STAP1: variants seen among roughly 807,000 people sequenced by gnomAD.
STAP1 encodes signal transducing adaptor family member 1, also known as signal-transducing adaptor protein 1.
STAP1 carries 30 observed loss-of-function variants against 37.8 expected under a neutral mutation model. That is an observed-to-expected ratio of 0.79 (90% CI 0.59 to 1.08). The LOEUF (loss-of-function observed/expected upper bound fraction) is 1.08. Ranked by LOEUF, STAP1 falls within the 50% of genes least tolerant of loss-of-function variation. STAP1 has a pLI of 0.00. For missense variants in STAP1, 357 were observed against 349.4 expected, an observed-to-expected ratio of 1.02 and a Z score of -0.17; for synonymous variants, 130 against 116.0, an observed-to-expected ratio of 1.12 and a Z score of -0.78.
intron 1 of STAP1, among the ~76,000 whole-genome samples, chr4:67,570,080 T>C (rs1727566835): frequency 6.6e-6 from 1 of 152,170 alleles, no homozygotes; most frequent in Non-Finnish European, 1.5e-5. Context: ...GTCATCTCTA[T>C]GATAGCAATG....
rs1354863999 is a variant in STAP1, at chr4:67,558,905, A to G, written c.96A>G (p.Leu32=). Residue 32 remains leucine, a synonymous_variant, in exon 1 of 9, where the codon TTA becomes TTG. Coordinates refer to ENST00000265404, the MANE Select transcript of STAP1 (RefSeq NM_012108.4). ...TACCTTTGTACTTTGAAGGTTTTTT[A>G]TTAATCAAGCGGTCAGGATACCGGG... ...TALPLYFEGF[L]LIKRSGYREY... is the part of the protein sequence containing the mutation. 3 of 1,613,108 alleles carry G rather than the reference A, an allele frequency of 1.9e-6. No homozygotes were observed. The highest frequency in any genetic ancestry group is 3.3e-5 in the Admixed American group (2 of 59,930).
chr4:67,575,372 T>C lies in STAP1; in HGVS notation c.193-13T>C, dbSNP rs1727694141. On this transcript the variant is annotated splice_polypyrimidine_tract_variant and intron_variant, in intron 2 of 8. Transcript: ENST00000265404. ...ATGAAATAATGTAATGTGATCTTCC[T>C]TTATCTTTGCAGTATGTTGACAAAT... The C allele has an allele frequency of 6.5e-7, 1 of 1,538,168 alleles. No homozygotes were observed. Among genetic ancestry groups the C allele is most frequent in the African/African-American group, 1.4e-5 (1 of 71,468 alleles).
intron 4 of STAP1, among the ~76,000 whole-genome samples, chr4:67,578,720 CCAAA>C (rs1414999643): frequency 6.6e-6 from 1 of 151,684 alleles, no homozygotes; most frequent in East Asian, 1.9e-4. Flanking sequence ...AAAGTTTTGG[CCAAA>C]CATTTTGTTT....
At chr4:67,605,096 G>T (rs906839950) in intron 8 of STAP1, among the ~76,000 whole-genome samples, 3 of 152,158 alleles carry the variant, frequency 2.0e-5, no homozygotes, top group African/African-American at 2.4e-5. Context: ...GCCGCCAAGG[G>T]TCCTTTTTCC....
intron 4 of STAP1, among the ~76,000 whole-genome samples, chr4:67,577,507 G>A (rs919059556): frequency 5.9e-5 from 9 of 152,160 alleles, no homozygotes; most frequent in Admixed American, 1.3e-4. Context: ...AAGGCAATTC[G>A]CTAGGGAGTA....
At chr4:67,593,413 C>A in intron 8 of STAP1, 57 bp downstream of exon 8, 1 of 1,273,950 alleles carries the variant, frequency 7.8e-7, no homozygotes, top group Non-Finnish European at 1.1e-6. Flanking sequence ...AAAACAAAAT[C>A]CCCAAAACTC....
At chr4:67,586,372 G>A (rs369965522) in intron 6 of STAP1, among the ~76,000 whole-genome samples, 21 of 152,222 alleles carry the variant, frequency 1.4e-4, no homozygotes, top group South Asian at 2.1e-4. Context: ...TAGGAGAATC[G>A]CTTCAACCTG....
At chr4:67,605,388 C>A (rs115147408) in intron 8 of STAP1, among the ~76,000 whole-genome samples, 91 of 124,666 alleles carry the variant, frequency 7.3e-4, no homozygotes, top group South Asian at 1.4e-3. Flanking sequence ...ATAGACAATA[C>A]AAAAAAAAAA....
At chr4:67,570,917 A>C (rs960476462) in intron 1 of STAP1, among the ~76,000 whole-genome samples, 167 bp from the exon 2 acceptor site, 5 of 152,212 alleles carry the variant, frequency 3.3e-5, no homozygotes, top group African/African-American at 1.2e-4. Flanking sequence ...ATCTCAAAAA[A>C]TGAAAAGAAT....
intron 8 of STAP1, among the ~76,000 whole-genome samples, chr4:67,600,802 A>G (rs1425635152): frequency 5.9e-5 from 9 of 151,782 alleles, no homozygotes. Context: ...ACTACTCCTG[A>G]TTTTAGATTT....
intron 8 of STAP1, among the ~76,000 whole-genome samples, chr4:67,600,725 C>T (rs57030005): frequency 3.7e-4 from 57 of 152,184 alleles, no homozygotes; most frequent in African/African-American, 1.3e-3. Context: ...TGAATTGACC[C>T]TTTCATCATT....
In STAP1 at chr4:67,558,778, G is replaced by A. The variant is rs770652491; in HGVS notation, c.-32G>A. The A allele has an allele frequency of 1.1e-5, 18 of 1,589,098 alleles. No individual in the cohort carries two copies. The highest frequency in any genetic ancestry group is 1.7e-4 in the Middle Eastern group (1 of 5,906). ...AGGAAGATTTCATTTTGTTTGAGAC[G>A]AGAAACCAAACCACACACCAAAGAG... On this transcript the variant is annotated 5_prime_UTR_variant, in exon 1 of 9. Transcript: ENST00000265404.
chr4:67,566,717 C>T (rs926698501), intron 1 of STAP1, among the ~76,000 whole-genome samples: 1 of 152,194 alleles, frequency 6.6e-6, no homozygotes, highest in Non-Finnish European at 1.5e-5. Context: ...TGCCTGTAAT[C>T]CCCGCACTTT....
chr4:67,583,743 G>A lies in STAP1; in HGVS notation c.659+41G>A, dbSNP rs756057088. ...TTAAATGTATGGAATTTTTAAAAGCGTGGTATCACTAAATACAAGTCCAGA... is the reference window on the plus strand; with the variant it reads ...TTAAATGTATGGAATTTTTAAAAGCATGGTATCACTAAATACAAGTCCAGA... On this transcript the variant is annotated intron_variant, in intron 6 of 8. Coordinates refer to ENST00000265404, the MANE Select transcript of STAP1 (RefSeq NM_012108.4). 2.1e-5 allele frequency: 34 copies of A among 1,592,282 alleles called. 1 individual carries two copies. In the Admixed American group the frequency reaches 2.5e-4, roughly 11 times the overall value.
Position 67,606,918 on chromosome 4 carries a change from T to G in STAP1, c.*561T>G, listed in dbSNP as rs1447829800. The G allele has an allele frequency of 1.3e-5, 2 of 152,198 alleles. No homozygotes were observed. The highest frequency in any genetic ancestry group is 4.8e-5 in the African/African-American group (2 of 41,456). The allele number at this position is 152,198 out of a possible 1,614,324, so 9.4% of individuals were successfully genotyped here. The stretch of plus-strand genomic sequence containing the variant: ...CATGTTTTTCCCTGGTGTCATCTTT[T>G]TGCCACTCAAAATCAGCCCATTATT... On this transcript the variant is annotated 3_prime_UTR_variant, in exon 9 of 9. Transcript: ENST00000265404.
chr4:67,589,448 C>T (rs968628013), intron 6 of STAP1, among the ~76,000 whole-genome samples: 1 of 151,906 alleles, frequency 6.6e-6, no homozygotes, highest in Admixed American at 6.6e-5. Flanking sequence ...GAGAAGAGTC[C>T]CCTGAATAGA....
Position 67,577,196 on chromosome 4 carries a change from A to C in STAP1, c.307-7A>C. The C allele has an allele frequency of 7.5e-6, 12 of 1,609,072 alleles. No homozygotes were observed. The highest frequency in any genetic ancestry group is 1.0e-5 in the Non-Finnish European group (12 of 1,177,964). On this transcript the variant is annotated splice_polypyrimidine_tract_variant and splice_region_variant and intron_variant, in intron 3 of 8. Transcript: ENST00000265404. The stretch of plus-strand genomic sequence containing the variant: ...TTGGCTTTATCTGTTTTTGTCTTCA[A>C]CTTTAGACAGAGAACACAGAAAGTG...
intron 7 of STAP1, 121 bp from the exon 8 acceptor site, chr4:67,593,139 A>G: frequency 3.1e-6 from 2 of 645,324 alleles, no homozygotes; most frequent in Non-Finnish European, 5.3e-6. Flanking sequence ...AACTATGGTC[A>G]TACAGTAAGC....
At chr4:67,599,487 A>C (rs1199063998) in intron 8 of STAP1, among the ~76,000 whole-genome samples, 1 of 152,100 alleles carries the variant, frequency 6.6e-6, no homozygotes, top group East Asian at 1.9e-4. Flanking sequence ...TTTCCAATTT[A>C]TTGGCATATA....
Sources: allele counts gnomAD v4.1 joint callset (sites outside exome capture counted in the v4.1 genomes callset), GRCh38; gene constraint gnomAD v4.1.1; transcripts MANE v1.5; gene names NCBI Gene and HGNC (gene_info 2026-07-23, HGNC 2026-07-21).